The following MAPK4 variants were observed in gnomAD, a reference collection of about 807,000 sequenced individuals.
The protein encoded by MAPK4 is Erk3-related.
A neutral mutation model predicts 47.7 loss-of-function variants in MAPK4; 22 were observed. That is an observed-to-expected ratio of 0.46 (90% CI 0.33 to 0.66). The LOEUF is 0.66. Ranked by LOEUF, MAPK4 falls within the 30% of genes least tolerant of loss-of-function variation. The pLI is 0.02. For synonymous variants in MAPK4, 390 were observed against 365.7 expected (o/e 1.07, Z -0.76); for missense variants, 736 against 831.7 (o/e 0.88, Z 1.42).
intron 2 of MAPK4, among the ~76,000 whole-genome samples, chr18:50,699,430 C>T (rs1016773684): frequency 7.9e-5 from 12 of 152,160 alleles, no homozygotes; most frequent in African/African-American, 2.9e-4. Context: ...ATGATTTGAT[C>T]GTTTAAATAA....
At chr18:50,612,772 T>C (rs2042650337) in intron 1 of MAPK4, among the ~76,000 whole-genome samples, 1 of 152,210 alleles carries the variant, frequency 6.6e-6, no homozygotes, top group Non-Finnish European at 1.5e-5. Context: ...AAATGTCTTC[T>C]CTAAGGGCAT....
intron 2 of MAPK4, among the ~76,000 whole-genome samples, chr18:50,706,460 T>TTG (rs1568089822): frequency 2.0e-5 from 3 of 150,564 alleles, no homozygotes; most frequent in Admixed American, 1.3e-4. Flanking sequence ...AACGTCAGTT[T>TTG]TTTTTTTTTT....
intron 1 of MAPK4, among the ~76,000 whole-genome samples, chr18:50,594,388 A>G (rs2149368987): frequency 6.6e-6 from 1 of 152,334 alleles, no homozygotes; most frequent in African/African-American, 2.4e-5. Flanking sequence ...CTGCAGTAAT[A>G]AAGATAGTAT....
At chr18:50,637,891 G>A (rs930906859) in intron 1 of MAPK4, among the ~76,000 whole-genome samples, 2 of 152,162 alleles carry the variant, frequency 1.3e-5, no homozygotes, top group African/African-American at 2.4e-5. Context: ...GGCCTACCCC[G>A]ATGACTTCAT....
intron 1 of MAPK4, among the ~76,000 whole-genome samples, chr18:50,607,313 G>T (rs535973412): frequency 2.2e-4 from 33 of 152,284 alleles, no homozygotes; most frequent in Admixed American, 2.1e-3. Context: ...GAATTAACTT[G>T]CTTACGATCT....
At chr18:50,631,566 C>A (rs116175914) in intron 1 of MAPK4, among the ~76,000 whole-genome samples, 50 of 152,334 alleles carry the variant, frequency 3.3e-4, no homozygotes, top group African/African-American at 1.1e-3. Flanking sequence ...CCTTCCTGAA[C>A]TTTGTGGCTT....
chr18:50,680,818 T>C (rs1908545763), intron 2 of MAPK4, among the ~76,000 whole-genome samples: 2 of 152,266 alleles, frequency 1.3e-5, no homozygotes, highest in African/African-American at 2.4e-5. Flanking sequence ...ACATTTTGTT[T>C]GTCCATTCAT....
At position 50,674,405 on chromosome 18, in the gene MAPK4, C is replaced by T. The variant is rs1309049639; in HGVS notation, c.546+9901C>T. ...ATAGAAGGCTCGGTGGGGGTGTGGG[C>T]ATCGCATTGCTGTGATGATCCTGCC... On this transcript the variant is annotated intron_variant, in intron 2 of 5. Coordinates refer to ENST00000400384, the MANE Select transcript of MAPK4 (RefSeq NM_002747.4). 2.6e-5 allele frequency among the ~76,000 whole-genome samples: 4 copies of T among 152,124 alleles called. No homozygotes were observed. In the East Asian group the frequency reaches 7.7e-4, roughly 29 times the overall value.
intron 1 of MAPK4, among the ~76,000 whole-genome samples, chr18:50,599,849 G>T (rs542271679): frequency 6.6e-6 from 1 of 152,280 alleles, no homozygotes; most frequent in South Asian, 2.1e-4. Flanking sequence ...CTTTCCTGAG[G>T]AGTATCTAAG....
intron 4 of MAPK4, among the ~76,000 whole-genome samples, chr18:50,723,958 G>A (rs113236481): frequency 6.6e-6 from 1 of 152,216 alleles, no homozygotes; most frequent in African/African-American, 2.4e-5. Context: ...TCAGGGAGAG[G>A]GAAGAGCAGA....
chr18:50,682,935 T>A (rs1356093174), intron 2 of MAPK4, among the ~76,000 whole-genome samples: 1 of 152,220 alleles, frequency 6.6e-6, no homozygotes, highest in Non-Finnish European at 1.5e-5. Context: ...CAGATGTATC[T>A]CAGGAGAGTT....
intron 1 of MAPK4, among the ~76,000 whole-genome samples, chr18:50,614,023 CATGTGGAA>C (rs1568045741): frequency 2.6e-5 from 4 of 152,070 alleles, no homozygotes; most frequent in Non-Finnish European, 5.9e-5. Context: ...TTTATAGTGA[CATGTGGAA>C]AGCTATGGTC....
intron 1 of MAPK4, among the ~76,000 whole-genome samples, chr18:50,561,039 G>C (rs2149353604): frequency 6.6e-6 from 1 of 152,374 alleles, no homozygotes; most frequent in East Asian, 1.9e-4. Context: ...GGAGTTCCAG[G>C]TGCGTCCCCG....
chr18:50,692,918 C>T (rs1909307115), intron 2 of MAPK4, among the ~76,000 whole-genome samples: 1 of 152,136 alleles, frequency 6.6e-6, no homozygotes, highest in Non-Finnish European at 1.5e-5. Flanking sequence ...GCAGGGGCAT[C>T]CACCTGAACC....
chr18:50,624,171 A>G (rs2149383458), intron 1 of MAPK4, among the ~76,000 whole-genome samples: 1 of 152,338 alleles, frequency 6.6e-6, no homozygotes, highest in African/African-American at 2.4e-5. Context: ...GGACCTGTTT[A>G]CTAGTTTATG....
chr18:50,567,872 C>A (rs1476071216), intron 1 of MAPK4, among the ~76,000 whole-genome samples: 1 of 151,048 alleles, frequency 6.6e-6, no homozygotes, highest in East Asian at 1.9e-4. Flanking sequence ...AAAACAATAA[C>A]CTCTGATCTC....
At chr18:50,578,277 G>T (rs779166576) in intron 1 of MAPK4, among the ~76,000 whole-genome samples, 4 of 152,246 alleles carry the variant, frequency 2.6e-5, no homozygotes, top group Non-Finnish European at 5.9e-5. Context: ...AATCTGAGCC[G>T]CTTCTAATGG....
intron 1 of MAPK4, among the ~76,000 whole-genome samples, chr18:50,567,989 G>A (rs958546067): frequency 6.6e-5 from 10 of 151,986 alleles, no homozygotes; most frequent in African/African-American, 1.5e-4. Context: ...GAGGTCAGGC[G>A]ATCGAGACCA....
Position 50,664,084 on chromosome 18 carries a change from C to T in MAPK4, c.126C>T (p.Ala42=). 6.2e-7 allele frequency: 1 copy of T among 1,614,040 alleles called. No individual in the cohort carries two copies. The highest frequency in any genetic ancestry group is 8.5e-7 in the Non-Finnish European group (1 of 1,180,046). The stretch of plus-strand genomic sequence containing the variant: ...TGCTGTCGGCCGTGGACAGCCGGGC[C>T]TGCCGGAAGGTCGCTGTGAAGAAGA... ...GLVLSAVDSR[A]CRKVAVKKIA... Residue 42 remains alanine, a synonymous_variant, in exon 2 of 6, where the codon GCC becomes GCT. Transcript: ENST00000400384. The surrounding 1 kb of genome is among the most constrained non-coding windows in gnomAD (Gnocchi z 6.0).
Sources: allele counts gnomAD v4.1 joint callset (sites outside exome capture counted in the v4.1 genomes callset), GRCh38; gene constraint gnomAD v4.1.1; non-coding constraint Gnocchi (gnomAD v3.1); transcripts MANE v1.5; gene names NCBI Gene and HGNC (gene_info 2026-07-23, HGNC 2026-07-21).